Variants in THRB observed in about 807,000 individuals in gnomAD.
THRB encodes nuclear receptor subfamily 1 group A member 2.
A neutral mutation model predicts 47.8 loss-of-function variants in THRB; 12 were observed. The ratio of observed to expected loss-of-function variants is 0.25; its 90% CI spans 0.16 to 0.41. The LOEUF is 0.41. Among genes scored for constraint, THRB ranks in the 10% least tolerant of loss-of-function variants. The pLI is 1.00. For missense variants in THRB, 348 were observed against 589.2 expected, an observed-to-expected ratio of 0.59 and a Z score of 4.24; for synonymous variants, 218 against 212.2, an observed-to-expected ratio of 1.03 and a Z score of -0.24.
chr3:24,268,976 A>G (rs1357158752), intron 3 of THRB, among the ~76,000 whole-genome samples: 2 of 152,226 alleles, frequency 1.3e-5, no homozygotes, highest in East Asian at 3.8e-4. Flanking sequence ...GGTAGGCACC[A>G]TTAGCCATAC....
intron 2 of THRB, among the ~76,000 whole-genome samples, chr3:24,329,429 C>G (rs931818321): frequency 1.3e-5 from 2 of 152,198 alleles, no homozygotes; most frequent in African/African-American, 4.8e-5. Context: ...ACTCCATGCC[C>G]CCAATTCATT....
intron 1 of THRB, among the ~76,000 whole-genome samples, chr3:24,370,371 C>G (rs1472973885): frequency 1.3e-5 from 2 of 151,908 alleles, no homozygotes; most frequent in Non-Finnish European, 1.5e-5. Flanking sequence ...TTCATAGCAC[C>G]GTGGGGTCCC....
intron 3 of THRB, among the ~76,000 whole-genome samples, chr3:24,232,307 C>T (rs1364553227): frequency 1.3e-5 from 2 of 152,226 alleles, no homozygotes; most frequent in African/African-American, 4.8e-5. Flanking sequence ...TTAAAGACAA[C>T]ACTGTGGCCT....
At chr3:24,276,674 G>C (rs2053945890) in intron 3 of THRB, among the ~76,000 whole-genome samples, 1 of 152,208 alleles carries the variant, frequency 6.6e-6, no homozygotes, top group South Asian at 2.1e-4. Context: ...AGGATGCAGT[G>C]ATGGATACGA....
chr3:24,156,850 C>T (rs1006864856), intron 5 of THRB, among the ~76,000 whole-genome samples: 4 of 152,156 alleles, frequency 2.6e-5, no homozygotes, highest in African/African-American at 9.7e-5. Context: ...CAGCACCTTC[C>T]CTATGTCATT....
At chr3:24,372,883 T>C (rs1041268064) in intron 1 of THRB, among the ~76,000 whole-genome samples, 4 of 152,070 alleles carry the variant, frequency 2.6e-5, no homozygotes, top group Non-Finnish European at 5.9e-5. Context: ...AGAACACCTA[T>C]GAGAAGCAAT....
At chr3:24,493,369 A>G (rs1209310910) in intron 1 of THRB, among the ~76,000 whole-genome samples, 1 of 152,226 alleles carries the variant, frequency 6.6e-6, no homozygotes, top group East Asian at 1.9e-4. Context: ...TAAGCATACT[A>G]AACTAAAGCC....
rs1360367092 is a variant in THRB at position 24,299,766 on chromosome 3, C to CTTTTTTTTTTTTTTTTTTTT, written c.-188-2396_-188-2395insAAAAAAAAAAAAAAAAAAAA. ...GCCTTGAGGCTTCTGGGGAAGTATG[C>CTTTTTTTTTTTTTTTTTTTT]TTTTTTATTTATTTATTTATTTATT... On this transcript the variant is annotated intron_variant, in intron 2 of 10. Coordinates refer to ENST00000646209, the MANE Select transcript of THRB (RefSeq NM_001354712.2). 3.2e-4 allele frequency among the ~76,000 whole-genome samples: 19 copies of CTTTTTTTTTTTTTTTTTTTT among 58,574 alleles called. 7 individuals carry two copies. Among genetic ancestry groups the CTTTTTTTTTTTTTTTTTTTT allele is most frequent in the African/African-American group, 1.5e-3 (18 of 12,374 alleles). 38.4% of individuals were successfully genotyped at this position (58,574 alleles called of 152,430 possible).
intron 1 of THRB, among the ~76,000 whole-genome samples, chr3:24,372,617 G>A (rs370155614): frequency 9.6e-4 from 146 of 152,118 alleles, no homozygotes; most frequent in African/African-American, 3.4e-3. Context: ...GGGATGAGTC[G>A]GAGATCAACA....
chr3:24,440,417 C>G (rs1436853862), intron 1 of THRB, among the ~76,000 whole-genome samples: 2 of 152,306 alleles, frequency 1.3e-5, no homozygotes, highest in East Asian at 3.9e-4. Flanking sequence ...GCCATTCTAG[C>G]ATGCACACAG....
intron 1 of THRB, among the ~76,000 whole-genome samples, chr3:24,455,819 G>A (rs1472005823): frequency 6.6e-6 from 1 of 152,190 alleles, no homozygotes; most frequent in African/African-American, 2.4e-5. Flanking sequence ...TCTGGCTGAT[G>A]ACAAGAAATG....
intron 3 of THRB, among the ~76,000 whole-genome samples, chr3:24,249,927 A>C (rs2050493068): frequency 6.6e-6 from 1 of 152,226 alleles, no homozygotes; most frequent in Admixed American, 6.5e-5. Context: ...ATGAAGAATT[A>C]AACTCTTAGA....
At chr3:24,259,833 A>G (rs754712757) in intron 3 of THRB, among the ~76,000 whole-genome samples, 2 of 152,050 alleles carry the variant, frequency 1.3e-5, no homozygotes, top group Non-Finnish European at 2.9e-5. Context: ...CCTTGTTTTC[A>G]TCTATACAAA....
intron 1 of THRB, among the ~76,000 whole-genome samples, chr3:24,341,527 C>A (rs1004915878): frequency 1.3e-5 from 2 of 152,094 alleles, no homozygotes; most frequent in African/African-American, 2.4e-5. Context: ...AGCCACCATG[C>A]CCAGATTATA....
intron 3 of THRB, among the ~76,000 whole-genome samples, chr3:24,296,745 G>T (rs777187967): frequency 6.6e-6 from 1 of 152,222 alleles, no homozygotes; most frequent in East Asian, 1.9e-4. Context: ...GCACCAAGGA[G>T]GGGGAGGATG....
chr3:24,273,527 A>G (rs975873558), intron 3 of THRB, among the ~76,000 whole-genome samples: 2 of 152,324 alleles, frequency 1.3e-5, no homozygotes, highest in East Asian at 3.9e-4. Flanking sequence ...AAAAAGGGCA[A>G]TGATATATAT....
intron 1 of THRB, among the ~76,000 whole-genome samples, chr3:24,392,575 T>C (rs918894315): frequency 1.3e-5 from 2 of 152,134 alleles, no homozygotes; most frequent in Non-Finnish European, 1.5e-5. Context: ...TAAGTCATCC[T>C]CAAATTACTC....
intron 1 of THRB, among the ~76,000 whole-genome samples, chr3:24,352,116 T>C (rs537338839): frequency 9.7e-4 from 147 of 152,286 alleles, no homozygotes; most frequent in Middle Eastern, 6.8e-3. Flanking sequence ...ATTGACATTT[T>C]GTGTCAACAG....
chr3:24,327,190 A>G (rs552844242), intron 2 of THRB, among the ~76,000 whole-genome samples: 295 of 152,144 alleles, frequency 1.9e-3, no homozygotes, highest in African/African-American at 6.8e-3. Context: ...CGGTAATTAG[A>G]CGATTTTGTG....
Sources: allele counts gnomAD v4.1 joint callset (sites outside exome capture counted in the v4.1 genomes callset), GRCh38; gene constraint gnomAD v4.1.1; transcripts MANE v1.5; gene names NCBI Gene and HGNC (gene_info 2026-07-23, HGNC 2026-07-21).